Variants in BCLAF3 observed in about 807,000 individuals in gnomAD.
BCLAF3 encodes the protein transient octamer binding factor 1.
In BCLAF3, 24 loss-of-function variants were observed where a neutral mutation model predicts 51.2. That is an observed-to-expected ratio of 0.47 (90% confidence interval 0.34 to 0.66). The LOEUF (loss-of-function observed/expected upper bound fraction) is 0.66. Ranked by LOEUF, BCLAF3 falls within the 30% of genes least tolerant of loss-of-function variation. The probability of loss-of-function intolerance (pLI) is 0.01; values close to 1 mark genes in which losing one functional copy is unlikely to be tolerated. For missense variants in BCLAF3, 465 were observed against 525.1 expected, an observed-to-expected ratio of 0.89 and a Z score of 1.12; for synonymous variants, 152 against 176.6, an observed-to-expected ratio of 0.86 and a Z score of 1.10.
intron 8 of BCLAF3, 74 bp downstream of exon 8, chrX:19,950,679 T>C: frequency 2.8e-6 from 2 of 715,196 alleles, no homozygotes; most frequent in Non-Finnish European, 4.2e-6. Context: ...AAAATTATCA[T>C]CACACAAAAA....
At chrX:19,953,111 C>A in intron 6 of BCLAF3, 60 bp from the exon 7 acceptor site, 1 of 893,828 alleles carries the variant, frequency 1.1e-6, no homozygotes, top group Non-Finnish European at 1.6e-6. Context: ...TACCCTGATT[C>A]TACTATTACA....
chrX:19,936,634 C>A (rs2070771341), intron 9 of BCLAF3, among the ~76,000 whole-genome samples: 1 of 111,287 alleles, frequency 9.0e-6, no homozygotes, highest in Non-Finnish European at 1.9e-5. Flanking sequence ...TTGCTTCTTG[C>A]AAAAAGAATA....
intron 11 of BCLAF3, among the ~76,000 whole-genome samples, chrX:19,926,420 T>A (rs1167620856): frequency 8.9e-6 from 1 of 111,739 alleles, no homozygotes; most frequent in East Asian, 2.8e-4. Flanking sequence ...TTCTGATTTC[T>A]ATTTGCTGTG....
Position 19,983,122 on chromosome X carries a change from A to AT in BCLAF3, c.-35+7785dup, listed in dbSNP as rs1332231790. Reference sequence around the variant, plus strand: ...GGTGTGCAGCACCACGCCCAGCTAAATTTTTTTGTATTTTTAGTGGAGATG... The same window carrying AT: ...GGTGTGCAGCACCACGCCCAGCTAAATTTTTTTTGTATTTTTAGTGGAGATG... On this transcript the variant is annotated intron_variant, in intron 1 of 11. Coordinates refer to ENST00000379682, the MANE Select transcript of BCLAF3 (RefSeq NM_001367774.2). 2.4e-4 allele frequency among the ~76,000 whole-genome samples: 25 copies of AT among 104,737 alleles called. No individual in the cohort carries two copies. In the East Asian group the frequency reaches 4.0e-3, roughly 17 times the overall value. The allele number at this position is 104,737 out of a possible 115,157, so 91.0% of individuals were successfully genotyped here. A position where few individuals can be genotyped will look rare whatever the true frequency, so the allele number is the denominator to read the frequency against.
At chrX:19,989,205 G>A (rs1316006527) in intron 1 of BCLAF3, among the ~76,000 whole-genome samples, 2 of 110,711 alleles carry the variant, frequency 1.8e-5, no homozygotes, top group Non-Finnish European at 3.8e-5. Flanking sequence ...CACTTAGAAA[G>A]TAATCATGGG....
intron 4 of BCLAF3, among the ~76,000 whole-genome samples, chrX:19,962,068 A>G (rs1295128494): frequency 8.9e-6 from 1 of 112,864 alleles, no homozygotes; most frequent in Admixed American, 9.4e-5. Context: ...CTATTAAAAT[A>G]AAACTCTTCA....
intron 1 of BCLAF3, among the ~76,000 whole-genome samples, chrX:19,973,849 T>C (rs2072330232): frequency 8.9e-6 from 1 of 112,559 alleles, no homozygotes; most frequent in South Asian, 3.6e-4. Context: ...TTCAACTTAA[T>C]TAGCAATTGG....
intron 1 of BCLAF3, among the ~76,000 whole-genome samples, chrX:19,974,889 T>A (rs1451598025): frequency 9.0e-6 from 1 of 110,659 alleles, no homozygotes; most frequent in Non-Finnish European, 1.9e-5. Flanking sequence ...CTCAAAAAAA[T>A]AAATAAATAA....
chrX:19,965,427 A>T lies in BCLAF3; in HGVS notation c.891T>A (p.Asp297Glu). 8.3e-7 allele frequency: 1 copy of T among 1,211,735 alleles called. No homozygotes were observed. The highest frequency in any genetic ancestry group is 1.1e-6 in the Non-Finnish European group (1 of 895,434). ...KLLDGDQDFS[D>E]GRTQKYCKEE... The stretch of plus-strand genomic sequence containing the variant: ...CCTTACAGTACTTCTGAGTTCTCCC[A>T]TCAGAAAAGTCCTGGTCCCCATCCA... Residue 297 changes from aspartate to glutamate, a missense_variant, in exon 4 of 12, where the codon GAT (aspartate) becomes GAA (glutamate). Physicochemically the swap from Asp to Glu is conservative, Grantham distance 45. Transcript: ENST00000379682.
chrX:19,919,398 T>A (rs1603298847), intron 11 of BCLAF3, among the ~76,000 whole-genome samples: 1 of 109,263 alleles, frequency 9.2e-6, no homozygotes, highest in African/African-American at 3.4e-5. Flanking sequence ...TACAAAAAAA[T>A]TAGCTGAGCG....
chrX:19,934,331 GAAC>G (rs761148949), intron 10 of BCLAF3, among the ~76,000 whole-genome samples: 34 of 111,983 alleles, frequency 3.0e-4, no homozygotes, highest in African/African-American at 9.0e-4. Context: ...TGACCAATGA[GAAC>G]AACATGTAGG....
At chrX:19,964,028 G>A (rs2071955384) in intron 4 of BCLAF3, among the ~76,000 whole-genome samples, 1 of 111,409 alleles carries the variant, frequency 9.0e-6, no homozygotes, top group Non-Finnish European at 1.9e-5. Flanking sequence ...TGTCTCAAAA[G>A]AAAAGAAAAA....
intron 1 of BCLAF3, among the ~76,000 whole-genome samples, chrX:19,980,938 C>CA (rs758538366): frequency 0.029 from 1,473 of 50,838 alleles, 13 homozygotes; most frequent in East Asian, 0.05. Flanking sequence ...GACTCCGTCT[C>CA]AAAAAAAAAA....
At position 19,990,971 on chromosome X, in the gene BCLAF3, C is replaced by G. The variant is rs1394755169; in HGVS notation, c.-98G>C. ...GCCGCCGCCGCCGCCGCCGCCGCCG[C>G]CGGCCCCTCGGGCCTCGCCCCTCAC... On this transcript the variant is annotated 5_prime_UTR_variant, in exon 1 of 12. Coordinates refer to ENST00000379682, the MANE Select transcript of BCLAF3 (RefSeq NM_001367774.2). 9.9e-6 allele frequency among the ~76,000 whole-genome samples: 1 copy of G among 100,770 alleles called. No homozygotes were observed. The highest frequency in any genetic ancestry group is 2.0e-5 in the Non-Finnish European group (1 of 49,969). 87.5% of individuals were successfully genotyped at this position (100,770 alleles called of 115,157 possible).
chrX:19,940,522 T>C (rs2070981830), intron 8 of BCLAF3, among the ~76,000 whole-genome samples: 1 of 110,673 alleles, frequency 9.0e-6, no homozygotes, highest in Admixed American at 9.6e-5. Flanking sequence ...TATGCGGTGT[T>C]TGGTTTTTTG....
intron 5 of BCLAF3, among the ~76,000 whole-genome samples, chrX:19,954,949 T>C (rs1003673314): frequency 1.2e-4 from 13 of 112,279 alleles, no homozygotes; most frequent in African/African-American, 4.2e-4. Flanking sequence ...AATCTTTCAC[T>C]GATCACTCAG....
Position 19,966,128 on chromosome X carries a change from G to C in BCLAF3, c.563C>G (p.Thr188Ser). 8.3e-7 allele frequency: 1 copy of C among 1,211,425 alleles called. No individual in the cohort carries two copies. The highest frequency in any genetic ancestry group is 1.1e-6 in the Non-Finnish European group (1 of 895,387). ...RIQEEKYSQS[T>S]RRGSEDFETR... ...CTCAAAGTCTTCAGAGCCTCTTCTA[G>C]TTGACTGGGAGTATTTTTCTTCTTG... The change falls in exon 3 of 12, where the codon ACT becomes AGT. Residue 188 changes from threonine (T) to serine (S), a missense_variant. Physicochemically the swap from Thr to Ser is moderately conservative, Grantham distance 58 (BLOSUM62 1). Coordinates refer to ENST00000379682, the MANE Select transcript of BCLAF3 (RefSeq NM_001367774.2).
intron 3 of BCLAF3, among the ~76,000 whole-genome samples, 157 bp from the exon 4 acceptor site, chrX:19,965,863 G>T (rs2072033731): frequency 8.9e-6 from 1 of 112,308 alleles, no homozygotes; most frequent in African/African-American, 3.2e-5. Context: ...GGCAGTTAAA[G>T]AGGAAAATAC....
chrX:19,952,030 A>G (rs757093775), intron 7 of BCLAF3, among the ~76,000 whole-genome samples: 35 of 112,242 alleles, frequency 3.1e-4, no homozygotes, highest in Non-Finnish European at 4.3e-4. Flanking sequence ...AAAAGCATAC[A>G]AAACTACATA....
Sources: allele counts gnomAD v4.1 joint callset (sites outside exome capture counted in the v4.1 genomes callset), GRCh38; gene constraint gnomAD v4.1.1; transcripts MANE v1.5; gene names NCBI Gene and HGNC (gene_info 2026-07-23, HGNC 2026-07-21).